SLC2A13: variants seen among roughly 807,000 people sequenced by gnomAD.
SLC2A13 encodes the protein solute carrier family 2 member 13.
SLC2A13 carries 32 observed loss-of-function variants against 64.4 expected under a neutral mutation model. The ratio of observed to expected loss-of-function variants is 0.50; its 90% confidence interval spans 0.37 to 0.67. The LOEUF is 0.67. SLC2A13 is among the 30% of genes least tolerant of loss of function. The probability of loss-of-function intolerance (pLI) is 0.00; values close to 1 mark genes in which losing one functional copy is unlikely to be tolerated. For synonymous variants in SLC2A13, 338 were observed against 327.1 expected (o/e 1.03, Z -0.36); for missense variants, 743 against 829.2 (o/e 0.90, Z 1.28).
chr12:39,996,336 T>C (rs968903603), intron 3 of SLC2A13, among the ~76,000 whole-genome samples: 2 of 152,154 alleles, frequency 1.3e-5, no homozygotes, highest in Admixed American at 6.5e-5. Flanking sequence ...GTTAAAGACA[T>C]TCAGTTTTAT....
chr12:40,009,710 C>T (rs1185575213), intron 3 of SLC2A13, among the ~76,000 whole-genome samples: 2 of 152,202 alleles, frequency 1.3e-5, no homozygotes, highest in Non-Finnish European at 2.9e-5. Flanking sequence ...GCTAGGATTA[C>T]AGGCATGAGC....
At chr12:39,866,889 G>A (rs1041020952) in intron 5 of SLC2A13, among the ~76,000 whole-genome samples, 2 of 152,216 alleles carry the variant, frequency 1.3e-5, no homozygotes, top group African/African-American at 4.8e-5. Context: ...AAAGTTGAAG[G>A]ATGGGGAGGA....
chr12:39,861,520 G>A (rs1468505382), intron 6 of SLC2A13, among the ~76,000 whole-genome samples: 1 of 152,144 alleles, frequency 6.6e-6, no homozygotes, highest in African/African-American at 2.4e-5. Context: ...AATACGTCAA[G>A]TATTTGAGGG....
At chr12:39,974,254 C>T (rs1481120621) in intron 3 of SLC2A13, among the ~76,000 whole-genome samples, 8 of 152,214 alleles carry the variant, frequency 5.3e-5, no homozygotes, top group African/African-American at 1.4e-4. Flanking sequence ...AGTCAAGAAT[C>T]GTAAACCAAA....
intron 3 of SLC2A13, among the ~76,000 whole-genome samples, chr12:40,021,351 G>A (rs1947714355): frequency 2.0e-5 from 3 of 152,128 alleles, no homozygotes; most frequent in Admixed American, 6.5e-5. Context: ...GAAAATCGAC[G>A]ACAACCTTTA....
intron 4 of SLC2A13, among the ~76,000 whole-genome samples, chr12:39,896,321 T>TATACATATATGTATAC (rs1944867826): frequency 1.2e-5 from 1 of 82,186 alleles, no homozygotes; most frequent in African/African-American, 5.0e-5. Flanking sequence ...TATATGTATG[T>TATACATATATGTATAC]ATATGTGTAT....
chr12:39,838,152 TACGCAG>T, intron 6 of SLC2A13, among the ~76,000 whole-genome samples: 1 of 147,748 alleles, frequency 6.8e-6, no homozygotes, highest in Non-Finnish European at 1.5e-5. Context: ...CATGGAATAC[TACGCAG>T]CCATAAAAAA....
intron 4 of SLC2A13, among the ~76,000 whole-genome samples, chr12:39,907,153 G>A (rs1592272769): frequency 6.6e-6 from 1 of 151,886 alleles, no homozygotes; most frequent in East Asian, 1.9e-4. Flanking sequence ...AATTTTCTTT[G>A]TATTTCAAAA....
intron 1 of SLC2A13, chr12:40,068,374 G>T: frequency 3.0e-6 from 1 of 338,006 alleles, no homozygotes; most frequent in Admixed American, 4.0e-5. Context: ...CCACTGTAGT[G>T]ATGAACACCA....
At chr12:39,814,561 G>T (rs7294916) in intron 7 of SLC2A13, among the ~76,000 whole-genome samples, 106,649 of 152,020 alleles carry the variant, frequency 0.7, 37,825 homozygotes, top group African/African-American at 0.8. Context: ...GAATGCTTTG[G>T]TAGAAAAAAA....
intron 1 of SLC2A13, among the ~76,000 whole-genome samples, chr12:40,087,791 A>C (rs1938632216): frequency 6.6e-6 from 1 of 152,224 alleles, no homozygotes; most frequent in Non-Finnish European, 1.5e-5. Context: ...AAAGCTGAGA[A>C]ACCTAGGGCT....
intron 6 of SLC2A13, 61 bp downstream of exon 6, chr12:39,864,701 A>C (rs1566880192): frequency 1.3e-6 from 2 of 1,592,658 alleles, no homozygotes; most frequent in Non-Finnish European, 1.7e-6. Flanking sequence ...TAAAAAAGTT[A>C]AAAGCAAGCA....
chr12:39,817,489 T>G (rs975651732), intron 7 of SLC2A13, among the ~76,000 whole-genome samples: 1 of 152,176 alleles, frequency 6.6e-6, no homozygotes, highest in African/African-American at 2.4e-5. Context: ...GCAGAGAGAT[T>G]TTCTTGCCTG....
chr12:39,769,583 T>C (rs1940487132), intron 7 of SLC2A13, among the ~76,000 whole-genome samples: 1 of 152,066 alleles, frequency 6.6e-6, no homozygotes, highest in Non-Finnish European at 1.5e-5. Flanking sequence ...GGTACAAGTC[T>C]GTCACCCTTT....
chr12:39,881,647 T>C (rs1428089506), intron 4 of SLC2A13, among the ~76,000 whole-genome samples: 1 of 152,162 alleles, frequency 6.6e-6, no homozygotes, highest in African/African-American at 2.4e-5. Flanking sequence ...CGTCCCATAC[T>C]CTTTTTCTGT....
chr12:39,945,763 AT>A (rs1946121368), intron 4 of SLC2A13, among the ~76,000 whole-genome samples: 1 of 151,682 alleles, frequency 6.6e-6, no homozygotes, highest in Non-Finnish European at 1.5e-5. Context: ...TTCTTGTATC[AT>A]TTTTTGGATT....
At chr12:39,934,919 A>C (rs540378897) in intron 4 of SLC2A13, among the ~76,000 whole-genome samples, 1 of 152,224 alleles carries the variant, frequency 6.6e-6, no homozygotes, top group African/African-American at 2.4e-5. Flanking sequence ...TTGTCTCTGC[A>C]TGGAGCGGCT....
intron 7 of SLC2A13, among the ~76,000 whole-genome samples, chr12:39,823,455 T>C (rs1187911927): frequency 6.6e-6 from 1 of 152,196 alleles, no homozygotes; most frequent in Non-Finnish European, 1.5e-5. Context: ...TTAAAGAGGT[T>C]ACAAAGGAAA....
intron 7 of SLC2A13, among the ~76,000 whole-genome samples, chr12:39,817,864 G>A (rs78867834): frequency 0.019 from 2,942 of 152,228 alleles, 39 homozygotes; most frequent in Non-Finnish European, 0.032. Context: ...ATCCACAAAT[G>A]AGAATACTCA....
Sources: gnomAD v4.1 joint callset for allele counts (sites outside exome capture counted in the v4.1 genomes callset) on GRCh38, gnomAD v4.1.1 for gene constraint, MANE v1.5 for transcripts, NCBI Gene and HGNC (gene_info 2026-07-23, HGNC 2026-07-21) for gene names.